CDK8: variants seen among roughly 807,000 people sequenced by gnomAD.
The protein encoded by CDK8 is cyclin-dependent kinase 8.
Under a neutral mutation model 71.5 loss-of-function variants are expected in CDK8, and 29 were observed. The observed-to-expected ratio is 0.41, with a 90% confidence interval of 0.30 to 0.55. CDK8 has a LOEUF of 0.55. CDK8 is among the 20% of genes least tolerant of loss of function. The pLI is 0.37. For synonymous variants in CDK8, 161 were observed against 192.1 expected, an observed-to-expected ratio of 0.84 and a Z score of 1.34; for missense variants, 288 against 572.6, an observed-to-expected ratio of 0.50 and a Z score of 5.07.
At chr13:26,395,952 T>C (rs945084312) in intron 7 of CDK8, among the ~76,000 whole-genome samples, 1 of 152,178 alleles carries the variant, frequency 6.6e-6, no homozygotes. Context: ...TAAGCAGTTT[T>C]ACTAATAGAA....
intron 4 of CDK8, among the ~76,000 whole-genome samples, chr13:26,381,933 A>C (rs1875248145): frequency 6.6e-6 from 1 of 152,192 alleles, no homozygotes; most frequent in Non-Finnish European, 1.5e-5. Flanking sequence ...GATTTATGTC[A>C]GTATCCGAAG....
chr13:26,336,329 A>G (rs938152656), intron 1 of CDK8, among the ~76,000 whole-genome samples: 2 of 152,204 alleles, frequency 1.3e-5, no homozygotes, highest in African/African-American at 4.8e-5. Context: ...ATGATCCAAC[A>G]TGTGATGATG....
intron 1 of CDK8, among the ~76,000 whole-genome samples, chr13:26,288,812 T>G (rs953197771): frequency 6.6e-6 from 1 of 152,100 alleles, no homozygotes; most frequent in Non-Finnish European, 1.5e-5. Context: ...CAGGCTGGAG[T>G]GCAGTGGCGT....
At chr13:26,298,746 A>G (rs1873679781) in intron 1 of CDK8, among the ~76,000 whole-genome samples, 3 of 152,180 alleles carry the variant, frequency 2.0e-5, no homozygotes, top group Admixed American at 1.3e-4. Context: ...CTTTACTGTC[A>G]AAAATTATGC....
chr13:26,321,822 G>A (rs1484134119), intron 1 of CDK8, among the ~76,000 whole-genome samples: 2 of 151,576 alleles, frequency 1.3e-5, no homozygotes, highest in African/African-American at 4.9e-5. Context: ...TATTATATAT[G>A]TTCATATTTA....
At chr13:26,333,897 T>G (rs1348028407) in intron 1 of CDK8, among the ~76,000 whole-genome samples, 2 of 152,184 alleles carry the variant, frequency 1.3e-5, no homozygotes, top group Non-Finnish European at 2.9e-5. Flanking sequence ...TGAACAACTC[T>G]TTTTCATCTC....
At chr13:26,385,392 A>G (rs1202899765) in intron 6 of CDK8, 50 bp downstream of exon 6, 1 of 1,433,034 alleles carries the variant, frequency 7.0e-7, no homozygotes, top group East Asian at 2.3e-5. Context: ...TTTCTTTAAA[A>G]GACACACATT....
chr13:26,268,991 C>T (rs1254471062), intron 1 of CDK8, among the ~76,000 whole-genome samples: 1 of 152,156 alleles, frequency 6.6e-6, no homozygotes, highest in African/African-American at 2.4e-5. Flanking sequence ...TTTTCTGTTT[C>T]ATACTGATGT....
At chr13:26,353,314 C>G (rs1179921734) in intron 3 of CDK8, among the ~76,000 whole-genome samples, 2 of 151,890 alleles carry the variant, frequency 1.3e-5, no homozygotes, top group African/African-American at 4.8e-5. Flanking sequence ...CATCTCCCCA[C>G]TTGCTTTCTT....
chr13:26,304,684 T>C (rs1010186449), intron 1 of CDK8, among the ~76,000 whole-genome samples: 5 of 152,112 alleles, frequency 3.3e-5, no homozygotes, highest in African/African-American at 1.2e-4. Flanking sequence ...TTGCCCAGGC[T>C]GGAATGCAGT....
At chr13:26,347,763 G>T (rs564433259) in intron 2 of CDK8, among the ~76,000 whole-genome samples, 38 of 152,284 alleles carry the variant, frequency 2.5e-4, no homozygotes, top group Middle Eastern at 3.4e-3. Context: ...TAGGATATAT[G>T]TTAATTTTTA....
At position 26,257,688 on chromosome 13, in the gene CDK8, G is replaced by A. The variant is rs78678922; in HGVS notation, c.128+2919G>A. On this transcript the variant is annotated intron_variant, in intron 1 of 12. Coordinates refer to ENST00000381527, the MANE Select transcript of CDK8 (RefSeq NM_001260.3). ...ATTTTGTTTTAAAGAGTAAGAGAGC[G>A]TTAGAAGACAGAAAACAATTTGTGT... Among the ~76,000 whole-genome samples the A allele has an allele frequency of 5.8e-4, 88 of 152,210 alleles. 1 individual carries two copies. In the East Asian group the frequency reaches 0.015, roughly 27 times the overall value.
intron 1 of CDK8, among the ~76,000 whole-genome samples, chr13:26,278,392 G>C (rs1387886615): frequency 1.3e-5 from 2 of 152,152 alleles, no homozygotes; most frequent in Admixed American, 1.3e-4. Flanking sequence ...CAGTGTAGAA[G>C]GGCATGAGCT....
chr13:26,254,405 G>A lies in CDK8; in HGVS notation c.-237G>A. On this transcript the variant is annotated 5_prime_UTR_variant, in exon 1 of 13. Coordinates refer to ENST00000381527, the MANE Select transcript of CDK8 (RefSeq NM_001260.3). This position sits in a 1 kb window ranked among gnomAD's most constrained non-coding sequence, Gnocchi z 6.7. Reference sequence around the variant, plus strand: ...CCTCGTCCCTCGGCTCTCCTTCGCCGGGGGATCCTCCCCGTTCCTCCACCC... The same window carrying A: ...CCTCGTCCCTCGGCTCTCCTTCGCCAGGGGATCCTCCCCGTTCCTCCACCC... 2.7e-6 allele frequency: 1 copy of A among 373,262 alleles called. No homozygotes were observed. The highest frequency in any genetic ancestry group is 4.9e-6 in the Non-Finnish European group (1 of 202,458). The allele number at this position is 373,262 out of a possible 1,614,324, so 23.1% of individuals were successfully genotyped here.
intron 1 of CDK8, among the ~76,000 whole-genome samples, chr13:26,327,247 AATTT>A (rs1241824246): frequency 3.3e-5 from 5 of 152,232 alleles, no homozygotes; most frequent in Admixed American, 6.5e-5. Context: ...CAAATAAATT[AATTT>A]ATCAATAAGA....
intron 4 of CDK8, among the ~76,000 whole-genome samples, chr13:26,376,147 C>T (rs185745335): frequency 1.6e-3 from 249 of 152,140 alleles, no homozygotes; most frequent in African/African-American, 5.7e-3. Context: ...AAATTAACAT[C>T]GTTTAGAATA....
intron 1 of CDK8, 106 bp from the exon 2 acceptor site, chr13:26,337,460 AT>A (rs1593272607): frequency 2.5e-6 from 1 of 404,514 alleles, no homozygotes; most frequent in East Asian, 4.6e-5. Flanking sequence ...ATATTGAATA[AT>A]GTCAAATGTG....
At chr13:26,337,667 G>A (rs370235178) in intron 2 of CDK8, 25 bp downstream of exon 2, 8 of 1,177,478 alleles carry the variant, frequency 6.8e-6, no homozygotes, top group African/African-American at 1.6e-5. Flanking sequence ...TTTTATCATC[G>A]TTATTATCAA....
rs564771994 is a variant in CDK8 at position 26,338,369 on chromosome 13, A to G, written c.204+727A>G. Among the ~76,000 whole-genome samples the G allele has an allele frequency of 9.5e-4, 144 of 152,220 alleles. 1 individual carries two copies. The highest frequency in any genetic ancestry group is 3.4e-3 in the African/African-American group (140 of 41,554). Reference sequence around the variant, plus strand: ...GTCTATTATGACCTGGAAATGTTAAACAATTTTGCAAGTTTACTAAGATTC... The same window carrying G: ...GTCTATTATGACCTGGAAATGTTAAGCAATTTTGCAAGTTTACTAAGATTC... On this transcript the variant is annotated intron_variant, in intron 2 of 12. Transcript: ENST00000381527.
Sources: gnomAD v4.1 joint callset for allele counts (sites outside exome capture counted in the v4.1 genomes callset) on GRCh38, gnomAD v4.1.1 for gene constraint, Gnocchi (gnomAD v3.1) non-coding constraint, MANE v1.5 for transcripts, NCBI Gene and HGNC (gene_info 2026-07-23, HGNC 2026-07-21) for gene names.